The following WDR27 variants were observed in gnomAD, a reference collection of about 807,000 sequenced individuals.
The protein encoded by WDR27 is WD repeat-containing protein 27.
Under a neutral mutation model 114.4 loss-of-function variants are expected in WDR27, and 100 were observed. That is an observed-to-expected ratio of 0.87 (90% confidence interval 0.74 to 1.03). The LOEUF (loss-of-function observed/expected upper bound fraction) is 1.03. WDR27 is among the 50% of genes least tolerant of loss of function. The pLI, the probability that WDR27 is intolerant of heterozygous loss-of-function variation, is 0.00. For missense variants in WDR27, 1,129 were observed against 1,092.9 expected, an observed-to-expected ratio of 1.03 and a Z score of -0.47; for synonymous variants, 449 against 423.1, an observed-to-expected ratio of 1.06 and a Z score of -0.75.
At chr6:169,443,559 A>G in the WDR27 span, among the ~76,000 whole-genome samples, 1 of 152,210 alleles carries the variant, frequency 6.6e-6, no homozygotes, top group African/African-American at 2.4e-5. Flanking sequence ...ACCAACAGGA[A>G]GTCCATGCCA....
intron 1 of WDR27, among the ~76,000 whole-genome samples, chr6:169,691,171 C>T (rs1014674303): frequency 2.6e-5 from 4 of 151,966 alleles, no homozygotes; most frequent in Admixed American, 1.3e-4. Context: ...GCCGAGATCG[C>T]GCCACTGCAT....
intron 14 of WDR27, among the ~76,000 whole-genome samples, chr6:169,650,803 A>G (rs1584906731): frequency 7.4e-6 from 1 of 135,794 alleles, no homozygotes; most frequent in Non-Finnish European, 1.6e-5. Flanking sequence ...CCTCCACCCC[A>G]CCATCCATGC....
intron 2 of WDR27, among the ~76,000 whole-genome samples, chr6:169,672,722 T>C (rs1207599116): frequency 1.3e-5 from 2 of 151,936 alleles, no homozygotes; most frequent in Non-Finnish European, 2.9e-5. Flanking sequence ...AGCTGAAAAC[T>C]GAAGAATAAG....
At chr6:169,690,807 CCTCTG>C (rs1454062665) in intron 1 of WDR27, among the ~76,000 whole-genome samples, 2 of 152,216 alleles carry the variant, frequency 1.3e-5, no homozygotes, top group African/African-American at 4.8e-5. Context: ...TTCAGTACCA[CCTCTG>C]TGCTGCGGGC....
chr6:169,557,633 A>G (rs1799104188), intron 25 of WDR27, among the ~76,000 whole-genome samples: 1 of 152,188 alleles, frequency 6.6e-6, no homozygotes, highest in African/African-American at 2.4e-5. Context: ...TATTTTGATT[A>G]AAAACATCAA....
intron 4 of WDR27, 48 bp from the exon 5 acceptor site, chr6:169,668,233 CTG>C: frequency 1.3e-6 from 2 of 1,593,316 alleles, no homozygotes; most frequent in South Asian, 2.2e-5. Context: ...CTGGAATTCT[CTG>C]TATATAAACC....
At chr6:169,514,622 G>A (rs1344628978) in intron 25 of WDR27, among the ~76,000 whole-genome samples, 1 of 147,954 alleles carries the variant, frequency 6.8e-6, no homozygotes, top group Non-Finnish European at 1.5e-5. Context: ...AATAAAAAAT[G>A]ATCAAACAAA....
At chr6:169,587,212 TTC>T (rs146231657) in intron 23 of WDR27, among the ~76,000 whole-genome samples, 40 of 138,484 alleles carry the variant, frequency 2.9e-4, no homozygotes, top group African/African-American at 9.7e-4. Context: ...CTCAAGGATT[TTC>T]TTTTTTTTTT....
intron 25 of WDR27, among the ~76,000 whole-genome samples, chr6:169,515,643 C>T (rs368228640): frequency 6.6e-6 from 1 of 151,530 alleles, no homozygotes; most frequent in South Asian, 2.1e-4. Flanking sequence ...TTTGTGCCAA[C>T]AAAATATTCT....
At chr6:169,459,940 G>T (rs1303753190) in intron 25 of WDR27, among the ~76,000 whole-genome samples, 1 of 152,104 alleles carries the variant, frequency 6.6e-6, no homozygotes. Flanking sequence ...CACTAGACCT[G>T]CCCTGCCAGA....
intron 13 of WDR27, among the ~76,000 whole-genome samples, chr6:169,656,552 G>A (rs1448947024): frequency 6.6e-6 from 1 of 152,174 alleles, no homozygotes; most frequent in South Asian, 2.1e-4. Context: ...GGTCCAGGAA[G>A]ACGAAGAGGT....
intron 25 of WDR27, among the ~76,000 whole-genome samples, chr6:169,495,459 A>G (rs1236899488): frequency 6.6e-6 from 1 of 152,020 alleles, no homozygotes; most frequent in Non-Finnish European, 1.5e-5. Flanking sequence ...GAGGAAATAT[A>G]AAATAAAGAA....
At chr6:169,485,812 A>G (rs1287522160) in intron 25 of WDR27, among the ~76,000 whole-genome samples, 9 of 152,264 alleles carry the variant, frequency 5.9e-5, no homozygotes, top group Admixed American at 4.6e-4. Flanking sequence ...TATACGCCAC[A>G]GAACACTATG....
intron 23 of WDR27, among the ~76,000 whole-genome samples, chr6:169,596,925 TTTC>T (rs1412878356): frequency 6.6e-6 from 1 of 152,176 alleles, no homozygotes; most frequent in African/African-American, 2.4e-5. Flanking sequence ...GATACTTCTT[TTTC>T]TTCTTAGAGT....
intron 2 of WDR27, among the ~76,000 whole-genome samples, chr6:169,686,261 C>T (rs1782923207): frequency 6.6e-6 from 1 of 151,978 alleles, no homozygotes; most frequent in African/African-American, 2.4e-5. Context: ...TACAAAAGTC[C>T]CTTGTAGACC....
intron 22 of WDR27, among the ~76,000 whole-genome samples, chr6:169,605,654 T>A (rs1044543637): frequency 7.8e-5 from 11 of 141,402 alleles, no homozygotes; most frequent in Non-Finnish European, 1.7e-4. Context: ...ATGGCCAAAG[T>A]AATCCTAAAT....
At chr6:169,645,217 A>G (rs1321032473) in intron 16 of WDR27, among the ~76,000 whole-genome samples, 1 of 152,008 alleles carries the variant, frequency 6.6e-6, no homozygotes, top group East Asian at 1.9e-4. Flanking sequence ...CACTATAGAA[A>G]AGCCTAGTTC....
rs1825575903 is a variant in WDR27, at chr6:169,659,972, G to T, written c.1130-454C>A. Among the ~76,000 whole-genome samples the T allele has an allele frequency of 6.6e-6, 1 of 151,946 alleles. No homozygotes were observed. Among genetic ancestry groups the T allele is most frequent in the Non-Finnish European group, 1.5e-5 (1 of 67,970 alleles). On this transcript the variant is annotated intron_variant, in intron 10 of 25. Coordinates refer to ENST00000448612, the MANE Select transcript of WDR27 (RefSeq NM_182552.5). The surrounding 1 kb of genome is among the most constrained non-coding windows in gnomAD (Gnocchi z 4.3). ...AGGGAAGGGCGTGTGTGAAGACACA[G>T]ATGCATCCCACAGCCCCACAGAGGT...
chr6:169,481,742 G>T (rs906256839), intron 25 of WDR27, among the ~76,000 whole-genome samples: 4 of 151,802 alleles, frequency 2.6e-5, no homozygotes, highest in Non-Finnish European at 5.9e-5. Flanking sequence ...CGGGAGGAAT[G>T]AACAACTCCA....
Sources: allele counts gnomAD v4.1 joint callset (sites outside exome capture counted in the v4.1 genomes callset), GRCh38; gene constraint gnomAD v4.1.1; non-coding constraint Gnocchi (gnomAD v3.1); transcripts MANE v1.5; gene names NCBI Gene and HGNC (gene_info 2026-07-23, HGNC 2026-07-21).